ANK1: variants seen among roughly 807,000 people sequenced by gnomAD.
The protein encoded by ANK1 is ankyrin-1.
In ANK1, 51 loss-of-function variants were observed where a neutral mutation model predicts 210.4. The ratio of observed to expected loss-of-function variants is 0.24; its 90% CI spans 0.19 to 0.31. The LOEUF is 0.31. ANK1 is among the 10% of genes least tolerant of loss of function. ANK1 has a pLI of 1.00. For missense variants in ANK1, 2,051 were observed against 2,504.4 expected, an observed-to-expected ratio of 0.82 and a Z score of 3.86; for synonymous variants, 967 against 1,025.9, an observed-to-expected ratio of 0.94 and a Z score of 1.10.
chr8:41,894,808 C>T (rs147779836), intron 1 of ANK1, among the ~76,000 whole-genome samples: 6 of 151,938 alleles, frequency 3.9e-5, no homozygotes, highest in East Asian at 2.0e-4. Flanking sequence ...ACTCACAAGA[C>T]GGGCTCTGGT....
In ANK1 at chr8:41,661,921, T is replaced by C. The variant is rs777240527; in HGVS notation, c.5499A>G (p.Arg1833=). 3.1e-6 allele frequency: 5 copies of C among 1,613,826 alleles called. No individual in the cohort carries two copies. Among genetic ancestry groups the C allele is most frequent in the Non-Finnish European group, 3.4e-6 (4 of 1,179,958 alleles). The part of the protein sequence containing the change: ...VTKKIIRKVV[R]QIDLSSADAA... ...CATCGGCGCTGGACAAGTCTATCTG[T>C]CGAACCACCTTGCGAATGATCTAGG... Residue 1833 remains arginine (R), a synonymous_variant, in exon 41 of 43, where the codon CGA becomes CGG. Transcript: ENST00000289734.
At chr8:41,861,266 T>G (rs772939461) in intron 1 of ANK1, among the ~76,000 whole-genome samples, 1 of 152,188 alleles carries the variant, frequency 6.6e-6, no homozygotes. Context: ...TTTCACAATC[T>G]TGGGCACACT....
Position 41,672,820 on chromosome 8 carries a change from C to T in ANK1, c.4630G>A (p.Val1544Met). The T allele has an allele frequency of 6.2e-7, 1 of 1,610,378 alleles. No homozygotes were observed. Among genetic ancestry groups the T allele is most frequent in the South Asian group, 1.1e-5 (1 of 90,794 alleles). Residue 1544 changes from valine to methionine, a missense_variant, in exon 38 of 43, where the codon GTG becomes ATG. Transcript: ENST00000289734. ...PLRADQYWNE[V>M]AVLDAIPLAA... is the part of the protein sequence containing the mutation. The stretch of plus-strand genomic sequence containing the variant: ...AAGGGGATGGCGTCTAGGACGGCCA[C>T]CTCATTCCAGTACTGGTCTGCACGT...
At chr8:41,660,803 G>C (rs1158837824) in intron 42 of ANK1, among the ~76,000 whole-genome samples, 1 of 152,180 alleles carries the variant, frequency 6.6e-6, no homozygotes, top group Non-Finnish European at 1.5e-5. Context: ...AAACACCAAA[G>C]AGAAGCTAAG....
At position 41,706,357 on chromosome 8, in the gene ANK1, G is replaced by A. The variant is rs373816086; in HGVS notation, c.1999-116C>T. ...CTTTGCAGTCACCAACTAGTTATTT[G>A]GCTCCAGGCAAAGCTCTTCCTGTTC... is the stretch of plus-strand genomic sequence containing the variant. On this transcript the variant is annotated intron_variant, in intron 17 of 42. Coordinates refer to ENST00000289734, the MANE Select transcript of ANK1 (RefSeq NM_000037.4). The A allele has an allele frequency of 9.8e-6, 9 of 918,308 alleles. No individual in the cohort carries two copies. The African/African-American group carries it at 1.5e-4, about 15-fold the overall frequency. The allele number at this position is 918,308 out of a possible 1,614,324, so 56.9% of individuals were successfully genotyped here.
At chr8:41,867,437 T>C (rs1406673444) in intron 1 of ANK1, among the ~76,000 whole-genome samples, 1 of 152,142 alleles carries the variant, frequency 6.6e-6, no homozygotes, top group Non-Finnish European at 1.5e-5. Flanking sequence ...ACAAAATCTC[T>C]TAAAATGCCT....
chr8:41,872,747 A>G (rs1815792697), intron 1 of ANK1, among the ~76,000 whole-genome samples: 1 of 152,170 alleles, frequency 6.6e-6, no homozygotes. Flanking sequence ...ACTCAGTAAC[A>G]CCTTGGAAAG....
In ANK1 at chr8:41,690,209, C is replaced by A. The variant is rs549820646; in HGVS notation, c.4104+18G>T. ...GAAGCCGTCTCGGGCCAAGGCTCCT[C>A]GGCAGGTGCCAGCTCACCTTGGCGC... On this transcript the variant is annotated intron_variant, in intron 33 of 42. Transcript: ENST00000289734. The A allele has an allele frequency of 1.2e-6, 2 of 1,613,988 alleles. No individual in the cohort carries two copies. Among genetic ancestry groups the A allele is most frequent in the South Asian group, 1.1e-5 (1 of 91,080 alleles).
intron 1 of ANK1, among the ~76,000 whole-genome samples, chr8:41,765,026 G>A (rs1371290169): frequency 2.0e-5 from 3 of 152,032 alleles, no homozygotes; most frequent in African/African-American, 4.8e-5. Context: ...CTTAACTATT[G>A]TGCTATACCG....
At chr8:41,802,186 C>T (rs1849988523), upstream of ANK1, among the ~76,000 whole-genome samples, 1 of 152,106 alleles carries the variant, frequency 6.6e-6, no homozygotes, top group Non-Finnish European at 1.5e-5. Context: ...GACAGGGTGT[C>T]ACCACGTTGG....
At chr8:41,668,691 G>A (rs559188329) in intron 38 of ANK1, 127 bp from the exon 39 acceptor site, 58 of 1,075,542 alleles carry the variant, frequency 5.4e-5, no homozygotes, top group African/African-American at 3.3e-4. Flanking sequence ...GACACAGACC[G>A]TCCTCCCATC....
At chr8:41,773,788 A>C (rs902220566) in intron 1 of ANK1, among the ~76,000 whole-genome samples, 7 of 152,164 alleles carry the variant, frequency 4.6e-5, no homozygotes, top group Non-Finnish European at 2.9e-5. Flanking sequence ...ATCCAAGGAA[A>C]GTCTAAGTTC....
chr8:41,892,296 C>G (rs1406198897), intron 1 of ANK1, among the ~76,000 whole-genome samples: 1 of 152,074 alleles, frequency 6.6e-6, no homozygotes, highest in African/African-American at 2.4e-5. Flanking sequence ...AAACCCCTCT[C>G]CTGTCCAGGA....
chr8:41,859,489 G>C (rs1383827789), intron 1 of ANK1, among the ~76,000 whole-genome samples: 1 of 152,204 alleles, frequency 6.6e-6, no homozygotes, highest in East Asian at 1.9e-4. Flanking sequence ...TGGGATCACA[G>C]GCACACACAA....
Position 41,723,915 on chromosome 8 carries a change from G to C in ANK1, c.712-282C>G, listed in dbSNP as rs941035871. 2.0e-4 allele frequency among the ~76,000 whole-genome samples: 30 copies of C among 150,708 alleles called. 1 individual carries two copies. The highest frequency in any genetic ancestry group is 2.0e-3 in the Admixed American group (30 of 15,106). ...CGCCATTCTCCTGCCTCAGCCTCCT[G>C]TGTAGCTGGGACTACAGGCACGCGC... On this transcript the variant is annotated intron_variant, in intron 7 of 42. Coordinates refer to ENST00000289734, the MANE Select transcript of ANK1 (RefSeq NM_000037.4).
intron 2 of ANK1, among the ~76,000 whole-genome samples, chr8:41,754,625 G>A (rs1049969573): frequency 6.6e-5 from 10 of 152,174 alleles, no homozygotes; most frequent in African/African-American, 1.9e-4. Context: ...CCATGACCCC[G>A]GGACAAGAGC....
chr8:41,805,245 T>C lies in ANK1; in HGVS notation c.127-47108A>G, dbSNP rs540888599. On this transcript the variant is annotated intron_variant, in intron 1 of 42. Transcript: ENST00000265709. ...TCTCTGTCTCTCTCTCTTTGTCTCTTTCTCTCTCTCTCTCTCTCTCTGATT... is the reference window on the plus strand; with the variant it reads ...TCTCTGTCTCTCTCTCTTTGTCTCTCTCTCTCTCTCTCTCTCTCTCTGATT... Among the ~76,000 whole-genome samples, 257 of 144,870 alleles carry C rather than the reference T, an allele frequency of 1.8e-3. 1 individual carries two copies. The highest frequency in any genetic ancestry group is 3.3e-3 in the Non-Finnish European group (211 of 64,490).
rs1265819902 is a variant in ANK1, at chr8:41,692,801, T to C, written c.3705A>G (p.Ala1235=). 1.2e-6 allele frequency: 2 copies of C among 1,614,058 alleles called. No individual in the cohort carries two copies. Among genetic ancestry groups the C allele is most frequent in the Non-Finnish European group, 1.7e-6 (2 of 1,180,036 alleles). Residue 1235 remains alanine (A), a synonymous_variant, in exon 31 of 43, where the codon GCA becomes GCG. Coordinates refer to ENST00000289734, the MANE Select transcript of ANK1 (RefSeq NM_000037.4). ...FATLLYKELT[A]VPYMAKFVIF... The stretch of plus-strand genomic sequence containing the variant: ...TGACGAATTTGGCCATGTAGGGCAC[T>C]GCAGTGAGCTCTTTGTACAGCAGGG...
chr8:41,778,337 A>G (rs1844556924), intron 1 of ANK1, among the ~76,000 whole-genome samples: 1 of 152,264 alleles, frequency 6.6e-6, no homozygotes, highest in Admixed American at 6.5e-5. Context: ...GGTTGCAACA[A>G]GAACCACCAG....
Sources: gnomAD v4.1 joint callset for allele counts (sites outside exome capture counted in the v4.1 genomes callset) on GRCh38, gnomAD v4.1.1 for gene constraint, MANE v1.5 for transcripts, NCBI Gene and HGNC (gene_info 2026-07-23, HGNC 2026-07-21) for gene names.